The following FRMD4A variants were observed in gnomAD, a reference collection of about 807,000 sequenced individuals.
The protein encoded by FRMD4A is FERM domain-containing protein 4A.
FRMD4A carries 29 observed loss-of-function variants against 129.1 expected under a neutral mutation model. The observed-to-expected ratio is 0.22, with a 90% confidence interval of 0.17 to 0.31. The LOEUF (loss-of-function observed/expected upper bound fraction) is 0.31. Among genes scored for constraint, FRMD4A ranks in the 10% least tolerant of loss-of-function variants. FRMD4A has a pLI of 1.00. For synonymous variants in FRMD4A, 634 were observed against 571.6 expected, an observed-to-expected ratio of 1.11 and a Z score of -1.56; for missense variants, 1,272 against 1,375.8, an observed-to-expected ratio of 0.92 and a Z score of 1.19.
intron 14 of FRMD4A, among the ~76,000 whole-genome samples, chr10:13,695,959 G>T (rs1314636427): frequency 6.6e-6 from 1 of 152,210 alleles, no homozygotes; most frequent in Admixed American, 6.5e-5. Context: ...ATGTTAACAC[G>T]ATGGAAGTCT....
intron 2 of FRMD4A, among the ~76,000 whole-genome samples, chr10:14,285,860 C>T (rs1360413217): frequency 2.0e-5 from 3 of 152,190 alleles, no homozygotes; most frequent in East Asian, 3.8e-4. Context: ...TTTGTCTCAA[C>T]GTCCAGTAAA....
intron 2 of FRMD4A, among the ~76,000 whole-genome samples, chr10:14,010,119 G>C (rs1407376436): frequency 7.0e-6 from 1 of 143,794 alleles, no homozygotes; most frequent in Non-Finnish European, 1.6e-5. Context: ...TTTGGGGTCG[G>C]TGGGGGGGAC....
chr10:13,804,555 T>TC (rs1461884947), intron 4 of FRMD4A, among the ~76,000 whole-genome samples: 1 of 128,350 alleles, frequency 7.8e-6, no homozygotes, highest in African/African-American at 3.4e-5. Context: ...TTATTTCTTT[T>TC]TTTTGTTGAG....
chr10:13,840,844 C>T (rs958070251), intron 3 of FRMD4A, among the ~76,000 whole-genome samples: 2 of 148,388 alleles, frequency 1.3e-5, no homozygotes, highest in African/African-American at 5.0e-5. Flanking sequence ...TGCAATGGCT[C>T]ATGCCTATAA....
intron 2 of FRMD4A, among the ~76,000 whole-genome samples, chr10:13,935,565 G>A (rs1478412839): frequency 6.6e-6 from 1 of 151,618 alleles, no homozygotes; most frequent in East Asian, 1.9e-4. Flanking sequence ...TGTTGTATAT[G>A]GTGTGCCTTG....
intron 2 of FRMD4A, among the ~76,000 whole-genome samples, chr10:13,961,960 A>G (rs1361938159): frequency 1.3e-5 from 2 of 152,140 alleles, no homozygotes; most frequent in South Asian, 2.1e-4. Flanking sequence ...TTACCATTCT[A>G]CCTCCAGAAC....
chr10:13,847,538 C>CCCTTCCTT (rs1467609943), intron 3 of FRMD4A, among the ~76,000 whole-genome samples: 1 of 151,098 alleles, frequency 6.6e-6, no homozygotes, highest in African/African-American at 2.4e-5. Context: ...CTCCCTTCCT[C>CCCTTCCTT]CCTTCCTTCC....
intron 2 of FRMD4A, among the ~76,000 whole-genome samples, chr10:14,063,710 AGGG>A: frequency 6.6e-6 from 1 of 152,170 alleles, no homozygotes; most frequent in Non-Finnish European, 1.5e-5. Context: ...AAGGATAGAC[AGGG>A]GATCACCGTT....
chr10:14,228,860 T>C (rs1342764263), intron 2 of FRMD4A, among the ~76,000 whole-genome samples: 1 of 152,052 alleles, frequency 6.6e-6, no homozygotes, highest in East Asian at 1.9e-4. Flanking sequence ...ATTCTAGGAG[T>C]TAGGTCAGTT....
chr10:13,844,556 T>C (rs1415716558), intron 3 of FRMD4A, among the ~76,000 whole-genome samples: 1 of 152,220 alleles, frequency 6.6e-6, no homozygotes, highest in Non-Finnish European at 1.5e-5. Context: ...GTAACATATC[T>C]TAAGATCTAT....
chr10:13,994,585 C>G (rs550303966), intron 2 of FRMD4A, among the ~76,000 whole-genome samples: 79 of 152,246 alleles, frequency 5.2e-4, no homozygotes, highest in Non-Finnish European at 4.7e-4. Flanking sequence ...GGACAGTGCT[C>G]TTTTACTTGT....
rs185098948 is a variant in FRMD4A, at chr10:13,925,646, T to C, written c.46-66734A>G. ...TTGCCCAGGCTGGAGTGCGGTGGCG[T>C]GATCTCGGCTCACTGCAACTTCCGC... On this transcript the variant is annotated intron_variant, in intron 2 of 24. Transcript: ENST00000357447. 7.3e-3 allele frequency among the ~76,000 whole-genome samples: 955 copies of C among 131,712 alleles called. 6 individuals carry two copies. The highest frequency in any genetic ancestry group is 0.037 in the South Asian group (135 of 3,694). 86.4% of individuals were successfully genotyped at this position (131,712 alleles called of 152,430 possible). A position where few individuals can be genotyped will look rare whatever the true frequency, so the allele number is the denominator to read the frequency against.
At chr10:13,796,016 A>G (rs2093109380) in intron 5 of FRMD4A, among the ~76,000 whole-genome samples, 1 of 152,200 alleles carries the variant, frequency 6.6e-6, no homozygotes, top group South Asian at 2.1e-4. Flanking sequence ...CTCCCTTGGC[A>G]GGAAATGCAG....
Position 13,651,888 on chromosome 10 carries a change from C to T in FRMD4A, c.*2+15G>A, listed in dbSNP as rs745340920. 16 of 1,398,462 alleles carry T rather than the reference C, an allele frequency of 1.1e-5. No individual in the cohort carries two copies. The highest frequency in any genetic ancestry group is 1.4e-5 in the Non-Finnish European group (14 of 982,654). 86.6% of individuals were successfully genotyped at this position (1,398,462 alleles called of 1,614,324 possible). On this transcript the variant is annotated intron_variant, in intron 24 of 24. Transcript: ENST00000357447. Reference sequence around the variant, plus strand: ...AGACTCATGGGCAGTAGGAACAAAACTCCCCTTACGGTACCTCTATTCATC... The same window carrying T: ...AGACTCATGGGCAGTAGGAACAAAATTCCCCTTACGGTACCTCTATTCATC...
At chr10:13,748,660 C>T (rs1043299775) in intron 8 of FRMD4A, among the ~76,000 whole-genome samples, 9 of 152,052 alleles carry the variant, frequency 5.9e-5, no homozygotes, top group Non-Finnish European at 1.3e-4. Context: ...CTGGGCCAGG[C>T]TGAGCATCCC....
intron 2 of FRMD4A, among the ~76,000 whole-genome samples, chr10:14,188,145 A>G (rs958032824): frequency 3.9e-5 from 6 of 152,170 alleles, no homozygotes; most frequent in African/African-American, 1.4e-4. Context: ...TCATGTAAAA[A>G]TGACTTATTT....
At chr10:14,073,651 C>T (rs1006273623) in intron 2 of FRMD4A, among the ~76,000 whole-genome samples, 3 of 152,024 alleles carry the variant, frequency 2.0e-5, no homozygotes, top group South Asian at 2.1e-4. Context: ...GTAGAAGAAG[C>T]GAACGGAGTG....
In FRMD4A at chr10:13,647,721, A is replaced by C. The variant is rs554485695; in HGVS notation, c.*3-686T>G. On this transcript the variant is annotated intron_variant, in intron 24 of 24. Coordinates refer to ENST00000357447, the MANE Select transcript of FRMD4A (RefSeq NM_018027.5). ...TTTAAAATAGGAAAGTCTATAGAAG[A>C]AAATAAAAGGCTTTTTTTTTTTTTT... 2.8e-3 allele frequency: 400 copies of C among 144,318 alleles called. 3 individuals carry two copies. The highest frequency in any genetic ancestry group is 0.01 in the African/African-American group (380 of 37,958). 8.9% of individuals were successfully genotyped at this position (144,318 alleles called of 1,614,324 possible). A position where few individuals can be genotyped will look rare whatever the true frequency, so the allele number is the denominator to read the frequency against.
At chr10:14,098,950 C>T (rs972076439) in intron 2 of FRMD4A, among the ~76,000 whole-genome samples, 1 of 152,308 alleles carries the variant, frequency 6.6e-6, no homozygotes, top group African/African-American at 2.4e-5. Context: ...CTTGGACTAC[C>T]TGTGTAGCTT....
Sources: gnomAD v4.1 joint callset for allele counts (sites outside exome capture counted in the v4.1 genomes callset) on GRCh38, gnomAD v4.1.1 for gene constraint, MANE v1.5 for transcripts, NCBI Gene and HGNC (gene_info 2026-07-23, HGNC 2026-07-21) for gene names.